Variants in LARGE1 observed in about 807,000 individuals in gnomAD.
The protein encoded by LARGE1 is LARGE xylosyl- and glucuronyltransferase 1.
LARGE1 carries 43 observed loss-of-function variants against 87.6 expected under a neutral mutation model. That is an observed-to-expected ratio of 0.49 (90% CI 0.38 to 0.63). The LOEUF (loss-of-function observed/expected upper bound fraction) is 0.63. Among genes scored for constraint, LARGE1 ranks in the 30% least tolerant of loss-of-function variants. LARGE1 has a pLI of 0.00. For missense variants in LARGE1, 802 were observed against 1,000.2 expected (o/e 0.80, Z 2.67); for synonymous variants, 434 against 394.6 (o/e 1.10, Z -1.18).
intron 1 of LARGE1, among the ~76,000 whole-genome samples, chr22:33,763,281 G>A (rs984236579): frequency 3.3e-5 from 5 of 152,190 alleles, no homozygotes; most frequent in Non-Finnish European, 7.3e-5. Flanking sequence ...ACACCTAATG[G>A]AGCCGATCAC....
intron 6 of LARGE1, among the ~76,000 whole-genome samples, chr22:33,448,321 T>C (rs1278637256): frequency 6.6e-6 from 1 of 152,230 alleles, no homozygotes; most frequent in African/African-American, 2.4e-5. Flanking sequence ...GGAATGTGTA[T>C]GTCAAGTAGC....
At chr22:33,195,756 C>CTTTTTTTTTTTTTTTT (rs71187249) in intron 11 of LARGE1, among the ~76,000 whole-genome samples, 1 of 130,734 alleles carries the variant, frequency 7.6e-6, no homozygotes, top group African/African-American at 2.9e-5. Context: ...TTTCTTTTTT[C>CTTTTTTTTTTTTTTTT]TTTTTTTTTT....
intron 1 of LARGE1, among the ~76,000 whole-genome samples, chr22:33,898,873 T>C (rs1320543053): frequency 1.3e-5 from 2 of 152,232 alleles, no homozygotes; most frequent in South Asian, 4.1e-4. Context: ...TGTTCCCTCC[T>C]GCCTCCTCAT....
intron 8 of LARGE1, among the ~76,000 whole-genome samples, chr22:33,383,588 T>C (rs1285027142): frequency 6.6e-6 from 1 of 152,092 alleles, no homozygotes; most frequent in Non-Finnish European, 1.5e-5. Flanking sequence ...TAAAAATGAA[T>C]ATTTGCTAAC....
At chr22:33,539,864 G>A (rs2077144369) in intron 6 of LARGE1, among the ~76,000 whole-genome samples, 1 of 152,106 alleles carries the variant, frequency 6.6e-6, no homozygotes, top group South Asian at 2.1e-4. Flanking sequence ...ACAGGTGTGA[G>A]CCACTGCACC....
At chr22:33,233,672 A>G (rs1176528622) in intron 11 of LARGE1, among the ~76,000 whole-genome samples, 1 of 152,174 alleles carries the variant, frequency 6.6e-6, no homozygotes, top group Admixed American at 6.5e-5. Context: ...GTCCCTAAGA[A>G]AAGGGCCTTG....
At chr22:33,122,988 G>A in the LARGE1 span, among the ~76,000 whole-genome samples, 4 of 152,150 alleles carry the variant, frequency 2.6e-5, no homozygotes, top group Admixed American at 1.3e-4. Context: ...GGATAAGGGG[G>A]AGAAGTTCTT....
intron 5 of LARGE1, among the ~76,000 whole-genome samples, chr22:33,570,821 T>G (rs935989821): frequency 1.3e-5 from 2 of 151,942 alleles, no homozygotes; most frequent in African/African-American, 4.8e-5. Context: ...CAATCCACAC[T>G]GGTATTAATC....
At chr22:33,804,735 C>T (rs1010476176) in intron 1 of LARGE1, among the ~76,000 whole-genome samples, 1 of 152,148 alleles carries the variant, frequency 6.6e-6, no homozygotes, top group Non-Finnish European at 1.5e-5. Flanking sequence ...CTGAACTAGC[C>T]CCCAATGTCC....
At chr22:33,417,266 C>T (rs1346578729) in intron 7 of LARGE1, among the ~76,000 whole-genome samples, 3 of 152,200 alleles carry the variant, frequency 2.0e-5, no homozygotes, top group Non-Finnish European at 4.4e-5. Flanking sequence ...ATCTGCTGGA[C>T]AACTGCCTAC....
At chr22:33,295,020 C>T (rs975047034) in intron 12 of LARGE1, among the ~76,000 whole-genome samples, 1 of 152,140 alleles carries the variant, frequency 6.6e-6, no homozygotes, top group Non-Finnish European at 1.5e-5. Flanking sequence ...ACTAGGTTGT[C>T]CTAAAAAAGA....
intron 7 of LARGE1, among the ~76,000 whole-genome samples, chr22:33,428,550 T>A (rs1212319557): frequency 6.6e-6 from 1 of 150,712 alleles, no homozygotes; most frequent in Non-Finnish European, 1.5e-5. Context: ...CCTGACCTCG[T>A]GATCCACCCA....
chr22:33,846,161 C>T (rs939020963), intron 1 of LARGE1, among the ~76,000 whole-genome samples: 9 of 152,124 alleles, frequency 5.9e-5, no homozygotes, highest in South Asian at 2.1e-4. Context: ...AGTTCTGTTG[C>T]GGGAAGTCAG....
At chr22:33,287,653 G>C (rs1181536995) in intron 12 of LARGE1, among the ~76,000 whole-genome samples, 2 of 152,164 alleles carry the variant, frequency 1.3e-5, no homozygotes, top group Non-Finnish European at 2.9e-5. Flanking sequence ...TGCTGTCTTA[G>C]GGGTCAACAA....
At chr22:33,298,937 A>G (rs774125244) in intron 12 of LARGE1, among the ~76,000 whole-genome samples, 2 of 151,940 alleles carry the variant, frequency 1.3e-5, no homozygotes, top group East Asian at 3.9e-4. Context: ...CGCGGGAAGC[A>G]GTGGCTCTTG....
chr22:33,835,454 T>C (rs2063084789), intron 1 of LARGE1, among the ~76,000 whole-genome samples: 1 of 152,208 alleles, frequency 6.6e-6, no homozygotes, highest in Admixed American at 6.5e-5. Context: ...ACAGTCATGT[T>C]AATTAATGCA....
At position 33,647,743 on chromosome 22, in the gene LARGE1, T is replaced by C. The variant is rs184691537; in HGVS notation, c.408+2624A>G. ...ATATCCATTGTCACCACTGAAATAG[T>C]AAAAGGCAGGAACTTGATTTTTTTT... On this transcript the variant is annotated intron_variant, in intron 3 of 14. Coordinates refer to ENST00000397394, the MANE Select transcript of LARGE1 (RefSeq NM_133642.5). Among the ~76,000 whole-genome samples, 148 of 152,050 alleles carry C rather than the reference T, an allele frequency of 9.7e-4. 1 individual carries two copies. In the Middle Eastern group the frequency reaches 0.014, roughly 14 times the overall value.
intron 9 of LARGE1, among the ~76,000 whole-genome samples, chr22:33,366,809 A>C (rs2064610910): frequency 6.6e-6 from 1 of 151,484 alleles, no homozygotes; most frequent in Non-Finnish European, 1.5e-5. Context: ...AGACTAATGC[A>C]CTTTTTTTTT....
the LARGE1 span, among the ~76,000 whole-genome samples, chr22:33,120,388 T>TTC: frequency 3.1e-5 from 3 of 97,166 alleles, no homozygotes; most frequent in African/African-American, 1.9e-4. Flanking sequence ...CTTTCTTTCT[T>TTC]TCTTTCTTTC....
Sources: gnomAD v4.1 joint callset for allele counts (sites outside exome capture counted in the v4.1 genomes callset) on GRCh38, gnomAD v4.1.1 for gene constraint, MANE v1.5 for transcripts, NCBI Gene and HGNC (gene_info 2026-07-23, HGNC 2026-07-21) for gene names.